Variants in OSMR observed in about 807,000 individuals in gnomAD.
The protein encoded by OSMR is oncostatin M receptor, also known as oncostatin-M-specific receptor subunit beta.
OSMR carries 81 observed loss-of-function variants against 99.9 expected under a neutral mutation model. That is an observed-to-expected ratio of 0.81 (90% CI 0.68 to 0.97). The LOEUF (loss-of-function observed/expected upper bound fraction) is 0.97. Ranked by LOEUF, OSMR falls within the 50% of genes least tolerant of loss-of-function variation. OSMR has a pLI of 0.00. For missense variants in OSMR, 1,099 were observed against 1,153.4 expected (o/e 0.95, Z 0.68); for synonymous variants, 406 against 410.4 (o/e 0.99, Z 0.13).
At chr5:38,850,178 G>A (rs1740240972) in intron 1 of OSMR, among the ~76,000 whole-genome samples, 1 of 152,130 alleles carries the variant, frequency 6.6e-6, no homozygotes, top group Non-Finnish European at 1.5e-5. Flanking sequence ...CTAAGGTCTG[G>A]CCTGAGATTT....
chr5:38,943,687 C>A (rs763242228), intron 1 of OSMR, among the ~76,000 whole-genome samples: 1 of 152,110 alleles, frequency 6.6e-6, no homozygotes, highest in Non-Finnish European at 1.5e-5. Context: ...GTGGTACACA[C>A]CTGTAATCCC....
chr5:38,869,578 A>G (rs1406373845), intron 2 of OSMR, among the ~76,000 whole-genome samples: 3 of 152,248 alleles, frequency 2.0e-5, no homozygotes, highest in Admixed American at 2.0e-4. Flanking sequence ...AAAAGCAATG[A>G]AAATATGAAA....
chr5:38,907,434 G>C (rs191085100), intron 9 of OSMR, among the ~76,000 whole-genome samples: 1 of 152,330 alleles, frequency 6.6e-6, no homozygotes, highest in Non-Finnish European at 1.5e-5. Context: ...ATCTGCAGTG[G>C]AGCATGGCCA....
rs145485545 is a variant in OSMR, at chr5:38,922,473, G to A, written c.1766-677G>A. 4.0e-4 allele frequency among the ~76,000 whole-genome samples: 61 copies of A among 152,324 alleles called. No homozygotes were observed. The East Asian group carries it at 9.8e-3, about 25-fold the overall frequency. On this transcript the variant is annotated intron_variant, in intron 12 of 17. Coordinates refer to ENST00000274276, the MANE Select transcript of OSMR (RefSeq NM_003999.3). ...CTTTCAAGACTATTGGCTTTAATGG[G>A]AAGAGGGAAGATAAATAACTGGAGG... is the stretch of plus-strand genomic sequence containing the variant.
At chr5:38,901,927 C>T (rs1350478968) in intron 7 of OSMR, among the ~76,000 whole-genome samples, 1 of 152,106 alleles carries the variant, frequency 6.6e-6, no homozygotes, top group Non-Finnish European at 1.5e-5. Context: ...TGCTGGGCCT[C>T]ATTTTTATTA....
intron 1 of OSMR, among the ~76,000 whole-genome samples, chr5:38,851,955 C>T (rs947165019): frequency 6.6e-6 from 1 of 152,202 alleles, no homozygotes; most frequent in Admixed American, 6.5e-5. Context: ...TGCCTTTCTC[C>T]TTCCACCATG....
chr5:38,924,129 G>T (rs1167724426), intron 13 of OSMR: 2 of 159,254 alleles, frequency 1.3e-5, no homozygotes, highest in African/African-American at 4.8e-5. Context: ...TTAGAGTTTA[G>T]TTTGTTTTAT....
intron 2 of OSMR, chr5:38,944,792 A>G: frequency 9.7e-7 from 1 of 1,028,440 alleles, no homozygotes; most frequent in South Asian, 1.4e-5. Flanking sequence ...TTGCTTCACT[A>G]AAATGGACGT....
chr5:38,921,603 G>T lies in OSMR; in HGVS notation c.1586-12G>T, dbSNP rs766058741. The T allele has an allele frequency of 6.2e-7, 1 of 1,613,940 alleles. No homozygotes were observed. Among genetic ancestry groups the T allele is most frequent in the South Asian group, 1.1e-5 (1 of 91,080 alleles). On this transcript the variant is annotated splice_polypyrimidine_tract_variant and intron_variant, in intron 11 of 17. Coordinates refer to ENST00000274276, the MANE Select transcript of OSMR (RefSeq NM_003999.3). ...TTAAATCTGGAGCATTGCTCTATTT[G>T]TTTATATACAGAAGAGGTTGAGGAA... is the stretch of plus-strand genomic sequence containing the variant.
chr5:38,851,009 C>T (rs1740308413), intron 1 of OSMR, among the ~76,000 whole-genome samples: 1 of 152,126 alleles, frequency 6.6e-6, no homozygotes, highest in Non-Finnish European at 1.5e-5. Context: ...TACAGAAAAA[C>T]ACGGCATCCT....
intron 1 of OSMR, among the ~76,000 whole-genome samples, chr5:38,854,799 T>C (rs1298989367): frequency 6.6e-6 from 1 of 152,152 alleles, no homozygotes; most frequent in African/African-American, 2.4e-5. Context: ...AATGGAGACC[T>C]GAAAAAGAGA....
chr5:38,921,196 T>C (rs766534005), intron 11 of OSMR, among the ~76,000 whole-genome samples: 3 of 152,232 alleles, frequency 2.0e-5, no homozygotes, highest in African/African-American at 4.8e-5. Context: ...GCAGGTCATA[T>C]AGTCTCCATT....
intron 1 of OSMR, among the ~76,000 whole-genome samples, chr5:38,863,584 C>T (rs962578004): frequency 1.7e-4 from 26 of 152,202 alleles, no homozygotes; most frequent in African/African-American, 4.6e-4. Flanking sequence ...AAAATATGGT[C>T]TATTTTGGAG....
At chr5:38,862,174 A>G (rs1213597454) in intron 1 of OSMR, among the ~76,000 whole-genome samples, 1 of 120,396 alleles carries the variant, frequency 8.3e-6, no homozygotes, top group Non-Finnish European at 1.7e-5. Context: ...GGGGCTCCTC[A>G]CTTCCCAGTA....
chr5:38,848,917 G>C (rs553111110), intron 1 of OSMR, among the ~76,000 whole-genome samples: 1 of 151,582 alleles, frequency 6.6e-6, no homozygotes, highest in African/African-American at 2.4e-5. Context: ...GGAACTACAG[G>C]CACATGACAC....
chr5:38,924,718 AC>A, intron 14 of OSMR, 123 bp downstream of exon 14: 1 of 888,006 alleles, frequency 1.1e-6, no homozygotes, highest in Non-Finnish European at 1.8e-6. Context: ...ATGGCTTTAT[AC>A]TGGAAAGGTG....
chr5:38,938,566 G>A (rs751211817), downstream of OSMR: 6 of 232,558 alleles, frequency 2.6e-5, no homozygotes, highest in South Asian at 5.4e-4. Context: ...GCAGCTATCC[G>A]ATACTTACAT....
chr5:38,936,374 AAATC>A (rs906311823), downstream of OSMR, among the ~76,000 whole-genome samples: 1 of 152,198 alleles, frequency 6.6e-6, no homozygotes, highest in Non-Finnish European at 1.5e-5. Context: ...TCCTTAAAAA[AAATC>A]AATCAGGATA....
rs774939736 is a variant in OSMR, at chr5:38,883,794, C to A, written c.419-33C>A. On this transcript the variant is annotated intron_variant, in intron 4 of 17. Transcript: ENST00000274276. Reference sequence around the variant, plus strand: ...TTTTAAGAGGCTTGAATTTTGAGTGCGATTCTAACTTGGCTATTTTTTTTT... The same window carrying A: ...TTTTAAGAGGCTTGAATTTTGAGTGAGATTCTAACTTGGCTATTTTTTTTT... The A allele has an allele frequency of 9.9e-6, 16 of 1,611,656 alleles. No individual in the cohort carries two copies. The East Asian group carries it at 3.6e-4, about 36-fold the overall frequency.
Sources: allele counts gnomAD v4.1 joint callset (sites outside exome capture counted in the v4.1 genomes callset), GRCh38; gene constraint gnomAD v4.1.1; transcripts MANE v1.5; gene names NCBI Gene and HGNC (gene_info 2026-07-23, HGNC 2026-07-21).